The following CPNE8 variants were observed in gnomAD, a reference collection of about 807,000 sequenced individuals.
CPNE8 encodes copine 8.
Under a neutral mutation model 81.5 loss-of-function variants are expected in CPNE8, and 45 were observed. That is an observed-to-expected ratio of 0.55 (90% CI 0.44 to 0.71). The LOEUF is 0.71. Ranked by LOEUF, CPNE8 falls within the 30% of genes least tolerant of loss-of-function variation. The pLI is 0.00. For missense variants in CPNE8, 594 were observed against 672.1 expected (o/e 0.88, Z 1.28); for synonymous variants, 252 against 226.3 (o/e 1.11, Z -1.02).
intron 10 of CPNE8, among the ~76,000 whole-genome samples, chr12:38,734,433 C>A (rs1940907484): frequency 4.6e-5 from 7 of 151,960 alleles, no homozygotes; most frequent in Admixed American, 4.6e-4. Flanking sequence ...CATGTAATTA[C>A]AACAAAGGTA....
intron 1 of CPNE8, among the ~76,000 whole-genome samples, chr12:38,888,787 A>G (rs2137137074): frequency 6.6e-6 from 1 of 152,262 alleles, no homozygotes. Flanking sequence ...ACTGAATGAA[A>G]CAGGCATAGG....
At chr12:38,858,006 C>T (rs1943772022) in intron 3 of CPNE8, among the ~76,000 whole-genome samples, 1 of 152,220 alleles carries the variant, frequency 6.6e-6, no homozygotes, top group Non-Finnish European at 1.5e-5. Flanking sequence ...ATTACAAGTA[C>T]ATTCTCTCTC....
At chr12:38,890,022 C>T (rs1944290496) in intron 1 of CPNE8, among the ~76,000 whole-genome samples, 1 of 152,084 alleles carries the variant, frequency 6.6e-6, no homozygotes. Flanking sequence ...ACCATGCTGC[C>T]AAAATGAAAA....
chr12:38,832,464 G>A (rs997174905), intron 5 of CPNE8, among the ~76,000 whole-genome samples: 1 of 152,196 alleles, frequency 6.6e-6, no homozygotes, highest in African/African-American at 2.4e-5. Flanking sequence ...CATCTGCTGA[G>A]AAGGAAAACA....
chr12:38,789,128 G>T (rs1942266335), intron 6 of CPNE8, among the ~76,000 whole-genome samples: 1 of 151,674 alleles, frequency 6.6e-6, no homozygotes, highest in Admixed American at 6.6e-5. Context: ...AACCACAAAA[G>T]ACCCAGAATA....
chr12:38,798,303 G>C (rs1196202084), intron 6 of CPNE8, among the ~76,000 whole-genome samples: 1 of 152,118 alleles, frequency 6.6e-6, no homozygotes, highest in Admixed American at 6.5e-5. Flanking sequence ...CAGAGAGAAA[G>C]GTCGGGTTAC....
chr12:38,789,685 C>T (rs951248425), intron 6 of CPNE8, among the ~76,000 whole-genome samples: 2 of 151,836 alleles, frequency 1.3e-5, no homozygotes, highest in South Asian at 4.2e-4. Flanking sequence ...AAAATATTTG[C>T]AAACCACCCA....
intron 8 of CPNE8, among the ~76,000 whole-genome samples, 190 bp downstream of exon 8, chr12:38,767,440 CATTTT>C (rs1416887668): frequency 3.3e-5 from 5 of 151,892 alleles, no homozygotes; most frequent in African/African-American, 1.2e-4. Flanking sequence ...AGAAATTTTT[CATTTT>C]AAGTATCAGA....
intron 6 of CPNE8, among the ~76,000 whole-genome samples, chr12:38,824,619 A>G (rs1943160523): frequency 6.6e-6 from 1 of 152,182 alleles, no homozygotes; most frequent in African/African-American, 2.4e-5. Flanking sequence ...TAGAATATAA[A>G]TGGGAAACTA....
At chr12:38,755,194 T>A (rs1941431465) in intron 10 of CPNE8, among the ~76,000 whole-genome samples, 1 of 152,196 alleles carries the variant, frequency 6.6e-6, no homozygotes, top group South Asian at 2.1e-4. Flanking sequence ...TTTAATTATA[T>A]AAATATCATT....
intron 1 of CPNE8, among the ~76,000 whole-genome samples, chr12:38,882,500 G>A (rs1030549166): frequency 1.3e-5 from 2 of 152,120 alleles, no homozygotes; most frequent in East Asian, 3.9e-4. Context: ...AGCCAACAAG[G>A]TTGTGGCAAT....
chr12:38,829,580 A>C, intron 5 of CPNE8, 125 bp from the exon 6 acceptor site: 1 of 669,182 alleles, frequency 1.5e-6, no homozygotes, highest in East Asian at 2.5e-5. Flanking sequence ...TTCCAACAAT[A>C]AGTAAAATAA....
intron 1 of CPNE8, among the ~76,000 whole-genome samples, chr12:38,884,462 A>AT (rs1423839178): frequency 2.0e-5 from 3 of 152,058 alleles, no homozygotes; most frequent in African/African-American, 7.2e-5. Flanking sequence ...GGTTGTTTCT[A>AT]TTTTTTGGCT....
intron 6 of CPNE8, among the ~76,000 whole-genome samples, chr12:38,820,326 AC>A (rs1943093506): frequency 6.6e-6 from 1 of 151,512 alleles, no homozygotes; most frequent in African/African-American, 2.4e-5. Context: ...AATTGCTTGA[AC>A]CCGGGAGGCA....
intron 15 of CPNE8, among the ~76,000 whole-genome samples, chr12:38,692,929 G>T (rs1204331787): frequency 6.6e-6 from 1 of 152,216 alleles, no homozygotes; most frequent in Middle Eastern, 3.4e-3. Context: ...TGGAGTTTCT[G>T]TCCTAGACTT....
At chr12:38,796,418 G>A (rs185475154) in intron 6 of CPNE8, among the ~76,000 whole-genome samples, 20 of 152,214 alleles carry the variant, frequency 1.3e-4, no homozygotes, top group African/African-American at 4.6e-4. Context: ...AATGATAAAA[G>A]ATTGATGATT....
chr12:38,764,973 T>G (rs1422302461), intron 8 of CPNE8, among the ~76,000 whole-genome samples: 1 of 152,200 alleles, frequency 6.6e-6, no homozygotes, highest in Non-Finnish European at 1.5e-5. Flanking sequence ...TTTGGCCTCT[T>G]TGCTTATGGT....
chr12:38,750,715 G>GT (rs1425956647), intron 10 of CPNE8, among the ~76,000 whole-genome samples: 1 of 152,202 alleles, frequency 6.6e-6, no homozygotes, highest in Non-Finnish European at 1.5e-5. Flanking sequence ...TAACTCACTT[G>GT]TTTTTTATTT....
chr12:38,897,463 G>C (rs1944404184), intron 1 of CPNE8, among the ~76,000 whole-genome samples: 1 of 151,760 alleles, frequency 6.6e-6, no homozygotes, highest in Non-Finnish European at 1.5e-5. Flanking sequence ...GGAAAACAAG[G>C]GTTAAGTTAA....
Sources: gnomAD v4.1 joint callset for allele counts (sites outside exome capture counted in the v4.1 genomes callset) on GRCh38, gnomAD v4.1.1 for gene constraint, MANE v1.5 for transcripts, NCBI Gene and HGNC (gene_info 2026-07-23, HGNC 2026-07-21) for gene names.